The following MMAA variants were observed in gnomAD, a reference collection of about 807,000 sequenced individuals.
MMAA encodes metabolism of cobalamin associated A.
Under a neutral mutation model 45.0 loss-of-function variants are expected in MMAA, and 41 were observed. The ratio of observed to expected loss-of-function variants is 0.91; its 90% confidence interval spans 0.71 to 1.18. The LOEUF (loss-of-function observed/expected upper bound fraction) is 1.18. MMAA is among the 50% of genes most tolerant of loss of function. The pLI is 0.00. For missense variants in MMAA, 460 were observed against 495.7 expected (o/e 0.93, Z 0.68); for synonymous variants, 154 against 178.2 (o/e 0.86, Z 1.08).
intron 5 of MMAA, among the ~76,000 whole-genome samples, chr4:145,651,795 T>TA (rs902736079): frequency 1.1e-4 from 16 of 152,074 alleles, no homozygotes; most frequent in African/African-American, 3.6e-4. Context: ...AGACTGGGGG[T>TA]AAGGGGGGAT....
chr4:145,629,200 A>G (rs1042099054), intron 1 of MMAA, among the ~76,000 whole-genome samples: 4 of 152,082 alleles, frequency 2.6e-5, no homozygotes, highest in African/African-American at 9.7e-5. Flanking sequence ...GCACGATCTC[A>G]GCTCACTGCA....
chr4:145,620,686 G>C (rs550405525), intron 1 of MMAA, among the ~76,000 whole-genome samples: 75 of 152,234 alleles, frequency 4.9e-4, no homozygotes, highest in African/African-American at 1.7e-3. Context: ...ACACAGACCC[G>C]ATTGTAAGAT....
chr4:145,648,335 A>G (rs1727996814), intron 4 of MMAA, among the ~76,000 whole-genome samples: 1 of 151,540 alleles, frequency 6.6e-6, no homozygotes, highest in Non-Finnish European at 1.5e-5. Flanking sequence ...TTTAGTAGAG[A>G]CGGGGTTTCA....
At chr4:145,631,439 A>G (rs1327442620) in intron 1 of MMAA, among the ~76,000 whole-genome samples, 1 of 151,888 alleles carries the variant, frequency 6.6e-6, no homozygotes, top group Non-Finnish European at 1.5e-5. Context: ...CTTGAAATCT[A>G]TTTGTCTGAT....
Position 145,642,480 on chromosome 4 carries a change from G to GT in MMAA, c.558dup (p.Gly187TrpfsTer7). ...GCTGTGGACCCTTCTTCTTGTACTA[G>GT]TGGTGGTAAGTATGGCTGATTCTTT... On this transcript the variant is annotated frameshift_variant, in exon 3 of 7. Coordinates refer to ENST00000649156, the MANE Select transcript of MMAA (RefSeq NM_172250.3). LOFTEE classifies it high-confidence loss of function. 1.2e-6 allele frequency: 2 copies of GT among 1,614,128 alleles called. No individual in the cohort carries two copies. The highest frequency in any genetic ancestry group is 1.7e-6 in the Non-Finnish European group (2 of 1,180,006).
At chr4:145,650,063 A>G (rs1262763596) in intron 4 of MMAA, among the ~76,000 whole-genome samples, 1 of 152,230 alleles carries the variant, frequency 6.6e-6, no homozygotes, top group East Asian at 1.9e-4. Context: ...ACCTTTTTCC[A>G]GAAACGAGTA....
chr4:145,631,651 G>A (rs1201845310), intron 1 of MMAA, among the ~76,000 whole-genome samples: 1 of 151,958 alleles, frequency 6.6e-6, no homozygotes, highest in Non-Finnish European at 1.5e-5. Flanking sequence ...TACATTGAAT[G>A]TTATTATTAA....
intron 1 of MMAA, chr4:145,624,145 T>C (rs1734147464): frequency 2.7e-6 from 3 of 1,114,870 alleles, no homozygotes; most frequent in South Asian, 1.2e-5. Context: ...GCTGCTCAAC[T>C]CTTGTCCACT....
chr4:145,643,044 T>G (rs1283710902), intron 3 of MMAA, among the ~76,000 whole-genome samples: 1 of 152,340 alleles, frequency 6.6e-6, no homozygotes, highest in East Asian at 1.9e-4. Flanking sequence ...CACAGAATGT[T>G]AAGCAGTTAC....
At chr4:145,651,924 G>C (rs1447877896) in intron 5 of MMAA, among the ~76,000 whole-genome samples, 3 of 152,148 alleles carry the variant, frequency 2.0e-5, no homozygotes, top group Admixed American at 2.0e-4. Context: ...GCTCCTATGA[G>C]AATCAAATGT....
Position 145,653,983 on chromosome 4 carries a change from G to A in MMAA, c.820-11G>A, listed in dbSNP as rs548975889. The A allele has an allele frequency of 1.9e-6, 3 of 1,613,938 alleles. No homozygotes were observed. Among genetic ancestry groups the A allele is most frequent in the Non-Finnish European group, 2.5e-6 (3 of 1,179,844 alleles). ...ATGTTGGTTGTCATTAAATGTTTCT[G>A]ATCTCTTTAGGGTATCAAAAGGGGT... On this transcript the variant is annotated splice_polypyrimidine_tract_variant and intron_variant, in intron 5 of 6. Coordinates refer to ENST00000649156, the MANE Select transcript of MMAA (RefSeq NM_172250.3).
At chr4:145,646,517 G>T in intron 4 of MMAA, 1 of 227,598 alleles carries the variant, frequency 4.4e-6, no homozygotes, top group African/African-American at 2.3e-5. Flanking sequence ...TAATGTAGTT[G>T]GGTGCCTTTT....
Position 145,646,016 on chromosome 4 carries a change from C to CTG in MMAA, c.594_595dup (p.Glu199ValfsTer7). ...CTCTTAGGTGATAAAACCCGAATGACTGAGTTATCAAGAGATATGAATGCA... is the reference window on the plus strand; with the variant it reads ...CTCTTAGGTGATAAAACCCGAATGACTGTGAGTTATCAAGAGATATGAATGCA... On this transcript the variant is annotated frameshift_variant, in exon 4 of 7. Coordinates refer to ENST00000649156, the MANE Select transcript of MMAA (RefSeq NM_172250.3). LOFTEE classifies it high-confidence loss of function. 1 of 1,613,896 alleles carries CTG rather than the reference C, an allele frequency of 6.2e-7. No homozygotes were observed.
At chr4:145,640,142 T>G (rs1727739586) in intron 2 of MMAA, among the ~76,000 whole-genome samples, 1 of 152,224 alleles carries the variant, frequency 6.6e-6, no homozygotes, top group Non-Finnish European at 1.5e-5. Flanking sequence ...AGTCTTGCTC[T>G]GTCGCCCAGG....
At chr4:145,642,742 T>C in intron 3 of MMAA, 5 of 463,606 alleles carry the variant, frequency 1.1e-5, no homozygotes, top group South Asian at 1.1e-4. Context: ...TTGAAGATGA[T>C]CAAATGCAAA....
intron 3 of MMAA, among the ~76,000 whole-genome samples, chr4:145,643,138 A>G (rs1727832489): frequency 6.6e-6 from 1 of 152,210 alleles, no homozygotes; most frequent in South Asian, 2.1e-4. Context: ...AGTTCCCCAA[A>G]GGATCATTTA....
In MMAA at chr4:145,659,329, T is replaced by C. The variant is rs367843412; in HGVS notation, c.*3895T>C. The stretch of plus-strand genomic sequence containing the variant: ...AATATTAGTGGCACAAAAGCAGTTA[T>C]ATTGAATGCTTTTGTTTTAGAGAAA... On this transcript the variant is annotated 3_prime_UTR_variant, in exon 7 of 7. Transcript: ENST00000649156. 188 of 152,324 alleles carry C rather than the reference T, an allele frequency of 1.2e-3. No individual in the cohort carries two copies. The highest frequency in any genetic ancestry group is 4.4e-3 in the African/African-American group (184 of 41,578). 9.4% of individuals were successfully genotyped at this position (152,324 alleles called of 1,614,324 possible). A position where few individuals can be genotyped will look rare whatever the true frequency, so the allele number is the denominator to read the frequency against.
chr4:145,659,058 A>T lies in MMAA; in HGVS notation c.*3624A>T, dbSNP rs1728316269. On this transcript the variant is annotated 3_prime_UTR_variant, in exon 7 of 7. Transcript: ENST00000649156. ...GGTAGATGTTCTCAACATTAGCGTT[A>T]TTCAGGTAAGACTACAACAATGATG... 1 of 152,232 alleles carries T rather than the reference A, an allele frequency of 6.6e-6. No homozygotes were observed. Among genetic ancestry groups the T allele is most frequent in the Admixed American group, 6.5e-5 (1 of 15,290 alleles). 9.4% of individuals were successfully genotyped at this position (152,232 alleles called of 1,614,324 possible). A position where few individuals can be genotyped will look rare whatever the true frequency, so the allele number is the denominator to read the frequency against.
intron 2 of MMAA, among the ~76,000 whole-genome samples, chr4:145,641,800 C>G (rs1446967760): frequency 6.6e-6 from 1 of 152,206 alleles, no homozygotes; most frequent in Non-Finnish European, 1.5e-5. Context: ...ACTGCCAACT[C>G]TCCAAGTGGG....
Sources: allele counts gnomAD v4.1 joint callset (sites outside exome capture counted in the v4.1 genomes callset), GRCh38; gene constraint gnomAD v4.1.1; transcripts MANE v1.5; gene names NCBI Gene and HGNC (gene_info 2026-07-23, HGNC 2026-07-21).